The following BLOC1S3 variants were observed in gnomAD, a reference collection of about 807,000 sequenced individuals.
BLOC1S3 encodes the protein biogenesis of lysosomal organelles complex 1 subunit 3, also known as biogenesis of lysosome-related organelles complex 1 subunit 3.
In BLOC1S3, 7 loss-of-function variants were observed where a neutral mutation model predicts 9.1. That is an observed-to-expected ratio of 0.77 (90% CI 0.44 to 1.45). The LOEUF is 1.45. Among genes scored for constraint, BLOC1S3 ranks in the 40% most tolerant of loss-of-function variants. BLOC1S3 has a pLI of 0.01. For missense variants in BLOC1S3, 307 were observed against 315.2 expected (o/e 0.97, Z 0.20); for synonymous variants, 145 against 158.4 (o/e 0.92, Z 0.64).
chr19:45,184,903 CAAAAAA>C (rs71338752), downstream of BLOC1S3, among the ~76,000 whole-genome samples: 22 of 48,272 alleles, frequency 4.6e-4, no homozygotes, highest in South Asian at 2.6e-3. Flanking sequence ...CTGTCTCAAA[CAAAAAA>C]AAAAAAAAAA....
intron 2 of BLOC1S3, among the ~76,000 whole-genome samples, chr19:45,194,233 C>T (rs986606288): frequency 6.6e-6 from 1 of 150,512 alleles, no homozygotes; most frequent in Non-Finnish European, 1.5e-5. Context: ...CTGCCTCAGC[C>T]TCCCAAGTAG....
intron 3 of BLOC1S3, chr19:45,213,176 G>A: frequency 6.2e-7 from 1 of 1,602,476 alleles, no homozygotes; most frequent in South Asian, 1.1e-5. Context: ...AGGAAGAGAG[G>A]GAGGCTGAGA....
At chr19:45,190,658 T>C (rs1387690059) in intron 2 of BLOC1S3, among the ~76,000 whole-genome samples, 1 of 151,502 alleles carries the variant, frequency 6.6e-6, no homozygotes, top group Non-Finnish European at 1.5e-5. Context: ...CACCTCAGCC[T>C]CCCAAAATGC....
At chr19:45,187,874 A>AT (rs919552030) in intron 2 of BLOC1S3, 1 of 151,812 alleles carries the variant, frequency 6.6e-6, no homozygotes, top group African/African-American at 2.4e-5. Context: ...TTTTTTTTTA[A>AT]TTTTTTAATT....
intron 2 of BLOC1S3, among the ~76,000 whole-genome samples, chr19:45,195,044 C>T (rs1259430416): frequency 6.6e-6 from 1 of 151,470 alleles, no homozygotes; most frequent in Non-Finnish European, 1.5e-5. Context: ...GAGTCTCCTG[C>T]CCCAGCCTCC....
intron 3 of BLOC1S3, chr19:45,215,954 C>A: frequency 1.4e-6 from 2 of 1,413,708 alleles, no homozygotes; most frequent in South Asian, 1.4e-5. Context: ...AGGAAACGGC[C>A]GTCAGACACG....
At chr19:45,183,623 C>CTTTT (rs57651816), downstream of BLOC1S3, among the ~76,000 whole-genome samples, 109 of 105,054 alleles carry the variant, frequency 1.0e-3, 1 homozygote, top group African/African-American at 1.6e-3. Flanking sequence ...CTTTTCTTTT[C>CTTTT]TTTTTTTTTT....
intron 2 of BLOC1S3, among the ~76,000 whole-genome samples, chr19:45,197,494 A>G (rs1969657337): frequency 8.0e-6 from 1 of 124,468 alleles, no homozygotes; most frequent in Admixed American, 8.0e-5. Context: ...CTCAACAACA[A>G]CCACCAAAAA....
intron 3 of BLOC1S3, among the ~76,000 whole-genome samples, chr19:45,203,947 G>C (rs538386586): frequency 1.3e-5 from 2 of 152,150 alleles, no homozygotes; most frequent in East Asian, 3.9e-4. Flanking sequence ...AAGCTCATTG[G>C]CTTAAAATAG....
chr19:45,188,391 T>C (rs1188543620), intron 2 of BLOC1S3, among the ~76,000 whole-genome samples: 2 of 151,896 alleles, frequency 1.3e-5, no homozygotes. Context: ...ACCAGGCTTG[T>C]ACAGAACTCT....
intron 3 of BLOC1S3, among the ~76,000 whole-genome samples, chr19:45,211,594 GGAAA>G (rs1380341126): frequency 5.9e-5 from 9 of 151,940 alleles, no homozygotes; most frequent in Non-Finnish European, 1.5e-5. Context: ...CTCAGCCTGG[GGAAA>G]GAGAGTTTAA....
Position 45,180,173 on chromosome 19 carries a change from C to T in BLOC1S3, c.*268C>T. ...CCTGGTTCTGAGCCTTCCCCTGGGG[C>T]TTGGCTCCAGCCTTTGTTACATAGT... On this transcript the variant is annotated 3_prime_UTR_variant, in exon 2 of 2. Coordinates refer to ENST00000433642, the MANE Select transcript of BLOC1S3 (RefSeq NM_212550.5). 1 of 381,132 alleles carries T rather than the reference C, an allele frequency of 2.6e-6. No individual in the cohort carries two copies. The highest frequency in any genetic ancestry group is 4.9e-6 in the Non-Finnish European group (1 of 205,210). 23.6% of individuals were successfully genotyped at this position (381,132 alleles called of 1,614,324 possible). A position where few individuals can be genotyped will look rare whatever the true frequency, so the allele number is the denominator to read the frequency against.
chr19:45,214,804 G>T (rs1969816279), intron 3 of BLOC1S3, among the ~76,000 whole-genome samples: 1 of 152,020 alleles, frequency 6.6e-6, no homozygotes, highest in Admixed American at 6.6e-5. Flanking sequence ...TACTGCCTGG[G>T]TTCAAGTTCC....
intron 2 of BLOC1S3, among the ~76,000 whole-genome samples, chr19:45,195,916 T>C (rs1369780400): frequency 6.6e-6 from 1 of 152,180 alleles, no homozygotes; most frequent in Admixed American, 6.6e-5. Context: ...AGTAGTCATA[T>C]GTCTTGGAGA....
intron 3 of BLOC1S3, among the ~76,000 whole-genome samples, chr19:45,212,085 G>T (rs1027615595): frequency 1.7e-4 from 26 of 152,324 alleles, no homozygotes; most frequent in Non-Finnish European, 2.6e-4. Context: ...GATGGGGAGG[G>T]TGTGCCAAGA....
At chr19:45,211,089 C>T (rs895378148) in intron 3 of BLOC1S3, among the ~76,000 whole-genome samples, 5 of 152,126 alleles carry the variant, frequency 3.3e-5, no homozygotes, top group African/African-American at 1.2e-4. Context: ...CCAGCCTGGG[C>T]AACAGAGCAA....
chr19:45,192,333 C>A (rs1969612395), intron 2 of BLOC1S3, among the ~76,000 whole-genome samples: 1 of 152,132 alleles, frequency 6.6e-6, no homozygotes, highest in Non-Finnish European at 1.5e-5. Context: ...TCCCCTCTGG[C>A]CAAAGGTAGG....
At position 45,207,577 on chromosome 19, in the gene BLOC1S3, A is replaced by C. The variant is rs1347112695; in HGVS notation, n.282+5070A>C. ...TCTCAAAAAAAAAAAAAAAAAAAAA[A>C]AAAAAAAAACCTAGCTGGGCGTGGT... On this transcript the variant is annotated intron_variant and non_coding_transcript_variant, in intron 3 of 3. Coordinates refer to the BLOC1S3 transcript ENST00000591569. Among the ~76,000 whole-genome samples the C allele has an allele frequency of 7.1e-3, 1,062 of 150,360 alleles. 16 individuals are homozygous for C. Among genetic ancestry groups the C allele is most frequent in the African/African-American group, 0.011 (432 of 41,094 alleles).
At chr19:45,210,234 CTTTA>C (rs1333918036) in intron 3 of BLOC1S3, among the ~76,000 whole-genome samples, 1 of 64,400 alleles carries the variant, frequency 1.6e-5, no homozygotes, top group Non-Finnish European at 4.3e-5. Flanking sequence ...TATGAGGTTT[CTTTA>C]TTTAAAATTT....
Sources: allele counts gnomAD v4.1 joint callset (sites outside exome capture counted in the v4.1 genomes callset), GRCh38; gene constraint gnomAD v4.1.1; transcripts MANE v1.5; gene names NCBI Gene and HGNC (gene_info 2026-07-23, HGNC 2026-07-21).